ADAMTSL1: variants seen among roughly 807,000 people sequenced by gnomAD.
ADAMTSL1 encodes the protein ADAMTS-like protein 1.
ADAMTSL1 carries 126 observed loss-of-function variants against 201.8 expected under a neutral mutation model. That is an observed-to-expected ratio of 0.62 (90% CI 0.54 to 0.72). The LOEUF is 0.72. Ranked by LOEUF, ADAMTSL1 falls within the 30% of genes least tolerant of loss-of-function variation. The pLI is 0.00. For synonymous variants in ADAMTSL1, 1,121 were observed against 903.4 expected (o/e 1.24, Z -4.32); for missense variants, 2,679 against 2,277.8 (o/e 1.18, Z -3.59).
intron 4 of ADAMTSL1, among the ~76,000 whole-genome samples, chr9:18,606,787 G>T (rs1016685290): frequency 1.3e-5 from 2 of 152,042 alleles, no homozygotes; most frequent in African/African-American, 4.8e-5. Flanking sequence ...CTTATTTATT[G>T]CCTCTTCTCG....
chr9:18,127,000 C>T (rs1281143586), intron 1 of ADAMTSL1, among the ~76,000 whole-genome samples: 1 of 152,086 alleles, frequency 6.6e-6, no homozygotes, highest in Non-Finnish European at 1.5e-5. Context: ...TGAGGCAGAT[C>T]TTCCAAACTG....
At chr9:18,277,155 C>T (rs548448909) in intron 2 of ADAMTSL1, among the ~76,000 whole-genome samples, 1 of 152,150 alleles carries the variant, frequency 6.6e-6, no homozygotes, top group South Asian at 2.1e-4. Context: ...TGTTTTGTGA[C>T]TTCACATATG....
intron 2 of ADAMTSL1, among the ~76,000 whole-genome samples, chr9:18,326,288 C>G (rs768072418): frequency 9.9e-5 from 15 of 152,144 alleles, no homozygotes; most frequent in Non-Finnish European, 1.6e-4. Flanking sequence ...GAGGGCTTAA[C>G]TGGAAGGAGG....
chr9:18,082,388 C>T (rs113309597), intron 1 of ADAMTSL1, among the ~76,000 whole-genome samples: 7 of 152,084 alleles, frequency 4.6e-5, no homozygotes, highest in South Asian at 2.1e-4. Flanking sequence ...CAGCTCTCAC[C>T]GCAACCTCCG....
intron 1 of ADAMTSL1, among the ~76,000 whole-genome samples, chr9:18,131,174 C>G (rs992542742): frequency 4.6e-5 from 7 of 152,124 alleles, no homozygotes; most frequent in Non-Finnish European, 8.8e-5. Context: ...GTGTCATTGG[C>G]TATCTTTGGG....
chr9:18,119,690 G>A (rs1587094231), intron 1 of ADAMTSL1, among the ~76,000 whole-genome samples: 1 of 152,250 alleles, frequency 6.6e-6, no homozygotes. Flanking sequence ...TTCTGCAGGA[G>A]TCCAGGGTGG....
intron 4 of ADAMTSL1, among the ~76,000 whole-genome samples, chr9:18,609,310 C>A (rs1357345530): frequency 6.6e-6 from 1 of 151,426 alleles, no homozygotes; most frequent in African/African-American, 2.4e-5. Context: ...TGATTTGCTA[C>A]TCCACAGCAA....
intron 4 of ADAMTSL1, among the ~76,000 whole-genome samples, chr9:18,591,784 G>A (rs1823931527): frequency 6.6e-6 from 1 of 151,990 alleles, no homozygotes; most frequent in Non-Finnish European, 1.5e-5. Context: ...GTTTATTCCT[G>A]TAGCATAAAA....
intron 3 of ADAMTSL1, among the ~76,000 whole-genome samples, chr9:18,552,943 T>G (rs1183516023): frequency 6.6e-6 from 1 of 151,656 alleles, no homozygotes; most frequent in East Asian, 1.9e-4. Flanking sequence ...ATTTTTAATC[T>G]TATAATCTTT....
intron 2 of ADAMTSL1, among the ~76,000 whole-genome samples, chr9:18,226,460 T>C (rs986264980): frequency 6.6e-5 from 10 of 152,210 alleles, no homozygotes; most frequent in Admixed American, 5.2e-4. Context: ...ATCCTCTTCA[T>C]ACTCTTTATC....
At chr9:18,053,936 A>G (rs1414577559) in intron 1 of ADAMTSL1, among the ~76,000 whole-genome samples, 3 of 151,452 alleles carry the variant, frequency 2.0e-5, no homozygotes, top group African/African-American at 7.3e-5. Flanking sequence ...TGTGTAGGAC[A>G]TCTGTATCAA....
chr9:18,484,179 A>G (rs1218383987), intron 1 of ADAMTSL1, among the ~76,000 whole-genome samples: 1 of 152,198 alleles, frequency 6.6e-6, no homozygotes, highest in African/African-American at 2.4e-5. Context: ...CAAAACAGAC[A>G]TGGTCCTAAA....
Position 18,684,768 on chromosome 9 carries a change from A to T in ADAMTSL1, c.1542A>T (p.Leu514=). Residue 514 remains leucine (L), a synonymous_variant, in exon 13 of 29, where the codon CTA becomes CTT. Coordinates refer to ENST00000380548, the MANE Select transcript of ADAMTSL1 (RefSeq NM_001040272.6). The part of the protein sequence containing the change: ...KLPWFKQAQE[L]EEGAAVSEEP... The stretch of plus-strand genomic sequence containing the variant: ...CATGGTTCAAACAAGCTCAAGAGCT[A>T]GAAGAAGGAGCTGCTGTGTCAGAGG... 6.2e-7 allele frequency: 1 copy of T among 1,612,816 alleles called. No homozygotes were observed. The highest frequency in any genetic ancestry group is 8.5e-7 in the Non-Finnish European group (1 of 1,179,588).
At chr9:18,117,172 A>G (rs1181497195) in intron 1 of ADAMTSL1, among the ~76,000 whole-genome samples, 1 of 152,126 alleles carries the variant, frequency 6.6e-6, no homozygotes, top group African/African-American at 2.4e-5. Flanking sequence ...AGTTATCTCT[A>G]TATTTATTCT....
chr9:18,392,836 T>C (rs1474253318), intron 2 of ADAMTSL1, among the ~76,000 whole-genome samples: 2 of 152,242 alleles, frequency 1.3e-5, no homozygotes, highest in Non-Finnish European at 2.9e-5. Flanking sequence ...TTTCTTCACC[T>C]ACCTCTACTT....
At chr9:18,566,910 T>A (rs1022521638) in intron 3 of ADAMTSL1, among the ~76,000 whole-genome samples, 9 of 152,180 alleles carry the variant, frequency 5.9e-5, no homozygotes, top group African/African-American at 1.9e-4. Flanking sequence ...AGATTCTGTG[T>A]TTTTTGTGTA....
chr9:18,487,643 C>A (rs1179003971), intron 1 of ADAMTSL1, among the ~76,000 whole-genome samples: 5 of 152,078 alleles, frequency 3.3e-5, no homozygotes, highest in Non-Finnish European at 5.9e-5. Context: ...AGATCACAAC[C>A]CATTTTACCG....
chr9:18,086,489 C>A (rs143171017), intron 1 of ADAMTSL1, among the ~76,000 whole-genome samples: 1 of 151,986 alleles, frequency 6.6e-6, no homozygotes, highest in African/African-American at 2.4e-5. Flanking sequence ...AAAGTTAGAT[C>A]AAAATCTCCC....
rs12336860 is a variant in ADAMTSL1, at chr9:18,427,160, A to G, written c.208-77669A>G. Among the ~76,000 whole-genome samples the G allele has an allele frequency of 8.8e-3, 1,347 of 152,330 alleles. 20 individuals are homozygous for G. Among genetic ancestry groups the G allele is most frequent in the African/African-American group, 0.031 (1,284 of 41,568 alleles). ...CTTGTAGCAAATTGAAAAACTTGTC[A>G]TGAAATAAGTCTAACTAAAAGTTAC... On this transcript the variant is annotated intron_variant, in intron 2 of 29. Transcript: ENST00000680146.
Sources: gnomAD v4.1 joint callset for allele counts (sites outside exome capture counted in the v4.1 genomes callset) on GRCh38, gnomAD v4.1.1 for gene constraint, MANE v1.5 for transcripts, NCBI Gene and HGNC (gene_info 2026-07-23, HGNC 2026-07-21) for gene names.